The following ODF2 variants were observed in gnomAD, a reference collection of about 807,000 sequenced individuals.
ODF2 encodes outer dense fiber of sperm tails 2, also known as outer dense fiber protein 2.
Under a neutral mutation model 110.2 loss-of-function variants are expected in ODF2, and 47 were observed. That is an observed-to-expected ratio of 0.43 (90% CI 0.34 to 0.54). The LOEUF is 0.54. ODF2 is among the 20% of genes least tolerant of loss of function. The pLI is 0.03. For missense variants in ODF2, 812 were observed against 1,054.5 expected, an observed-to-expected ratio of 0.77 and a Z score of 3.19; for synonymous variants, 352 against 397.7, an observed-to-expected ratio of 0.89 and a Z score of 1.37.
chr9:128,479,183 G>C (rs575523525), intron 8 of ODF2, among the ~76,000 whole-genome samples: 1 of 152,260 alleles, frequency 6.6e-6, no homozygotes, highest in Admixed American at 6.5e-5. Context: ...GGAAACTTTG[G>C]GAACCAGAGA....
At chr9:128,469,137 A>G (rs1472545325) in intron 4 of ODF2, 46 bp from the exon 5 acceptor site, 4 of 1,588,130 alleles carry the variant, frequency 2.5e-6, no homozygotes, top group Admixed American at 1.8e-5. Flanking sequence ...CTCGTGGTCA[A>G]GGTTCTGCCT....
rs1846138126 is a variant in ODF2 at position 128,499,144 on chromosome 9, G to A, written c.2301+18G>A. On this transcript the variant is annotated intron_variant, in intron 20 of 20. Coordinates refer to ENST00000604420, the Ensembl canonical transcript of ODF2. The stretch of plus-strand genomic sequence containing the variant: ...GTGATGATGTGAGTCAGGCTGGTGG[G>A]CCGGGCTAGGAGAGTGGGCAGCAGA... 1 of 1,613,946 alleles carries A rather than the reference G, an allele frequency of 6.2e-7. No individual in the cohort carries two copies. The highest frequency in any genetic ancestry group is 8.5e-7 in the Non-Finnish European group (1 of 1,179,924).
chr9:128,481,434 A>C (rs1588898728), intron 8 of ODF2, 146 bp from the exon 9 acceptor site: 2 of 538,040 alleles, frequency 3.7e-6, no homozygotes, highest in Non-Finnish European at 3.3e-6. Context: ...CCATGATTGC[A>C]CCACTGCACT....
chr9:128,460,997 G>A (rs777136257), exon 4 of ODF2: 10 of 1,614,124 alleles, frequency 6.2e-6, no homozygotes, highest in East Asian at 2.2e-5. Flanking sequence ...CGGAGTGTCC[G>A]GGTGAAAACC....
intron 17 of ODF2, 103 bp from the exon 18 acceptor site, chr9:128,495,938 G>GC (rs1270913310): frequency 4.5e-5 from 61 of 1,363,136 alleles, no homozygotes; most frequent in Non-Finnish European, 5.9e-5. Flanking sequence ...CCTGCTGAGG[G>GC]CACTGTGCCC....
chr9:128,457,009 G>T, intron 1 of ODF2: 2 of 1,256,504 alleles, frequency 1.6e-6, no homozygotes, highest in African/African-American at 1.5e-5. Context: ...ACTTGGGGCC[G>T]AGCGGTTCTC....
chr9:128,491,045 G>A (rs959438302), intron 14 of ODF2, among the ~76,000 whole-genome samples: 15 of 151,590 alleles, frequency 9.9e-5, no homozygotes, highest in African/African-American at 1.9e-4. Context: ...TAGAGATGGC[G>A]TTTTACCATG....
At chr9:128,455,193 GA>G (rs1331269613), upstream of ODF2, 1 of 1,535,006 alleles carries the variant, frequency 6.5e-7, no homozygotes, top group African/African-American at 1.4e-5. Flanking sequence ...GCATAATTGA[GA>G]AGATGGCGGA....
chr9:128,455,410 C>A, upstream of ODF2: 1 of 442,086 alleles, frequency 2.3e-6, no homozygotes, highest in Non-Finnish European at 3.9e-6. Context: ...AAAAATTAGC[C>A]GGGCGTTGTG....
At chr9:128,478,530 A>C (rs1841800879) in intron 8 of ODF2, among the ~76,000 whole-genome samples, 1 of 151,132 alleles carries the variant, frequency 6.6e-6, no homozygotes, top group South Asian at 2.1e-4. Flanking sequence ...CCCGGGAGGC[A>C]GAGGTTACAG....
At chr9:128,457,386 T>C in exon 2 of ODF2, 4 of 1,613,190 alleles carry the variant, frequency 2.5e-6, no homozygotes, top group Non-Finnish European at 3.4e-6. Context: ...TGCCCACCTT[T>C]GCGGCTTTGA....
chr9:128,463,712 A>G (rs1837098870), intron 4 of ODF2, among the ~76,000 whole-genome samples: 1 of 152,230 alleles, frequency 6.6e-6, no homozygotes, highest in African/African-American at 2.4e-5. Flanking sequence ...GTATAAACGC[A>G]TATGTTTGTA....
Position 128,492,412 on chromosome 9 carries a change from G to T in ODF2, c.1537-14G>T. 6.3e-7 allele frequency: 1 copy of T among 1,591,310 alleles called. No individual in the cohort carries two copies. Among genetic ancestry groups the T allele is most frequent in the Non-Finnish European group, 8.6e-7 (1 of 1,159,548 alleles). ...GAACCTTCCTGTGGGTTACTCATGAGCCATCCCTTCCAGGCCAGCTTTGCT... is the reference window on the plus strand; with the variant it reads ...GAACCTTCCTGTGGGTTACTCATGATCCATCCCTTCCAGGCCAGCTTTGCT... On this transcript the variant is annotated splice_polypyrimidine_tract_variant and intron_variant, in intron 14 of 20. Coordinates refer to ENST00000604420, the Ensembl canonical transcript of ODF2.
intron 18 of ODF2, chr9:128,497,680 G>C (rs1478254716): frequency 6.6e-6 from 1 of 151,680 alleles, no homozygotes; most frequent in Non-Finnish European, 1.5e-5. Context: ...TCCAGCCCTG[G>C]TCCCAGCCTT....
intron 6 of ODF2, among the ~76,000 whole-genome samples, chr9:128,472,178 G>T (rs1840187994): frequency 1.3e-5 from 2 of 152,106 alleles, no homozygotes; most frequent in African/African-American, 4.8e-5. Context: ...TACTCTGGAG[G>T]CTGAGGCAGG....
chr9:128,466,531 T>G (rs1837955772), intron 4 of ODF2, among the ~76,000 whole-genome samples: 1 of 151,420 alleles, frequency 6.6e-6, no homozygotes, highest in South Asian at 2.1e-4. Flanking sequence ...CTCCATGAAT[T>G]TTCACAAGCT....
chr9:128,495,240 A>G (rs1845388998), intron 17 of ODF2, among the ~76,000 whole-genome samples: 1 of 152,222 alleles, frequency 6.6e-6, no homozygotes, highest in African/African-American at 2.4e-5. Context: ...TACTTGTGAT[A>G]ATTAGAAAAG....
In ODF2 at chr9:128,485,323, A is replaced by T. The variant is rs1353389663; in HGVS notation, c.1291-42A>T. 2 of 1,101,998 alleles carry T rather than the reference A, an allele frequency of 1.8e-6. No homozygotes were observed. The highest frequency in any genetic ancestry group is 2.8e-6 in the Non-Finnish European group (2 of 727,036). 68.3% of individuals were successfully genotyped at this position (1,101,998 alleles called of 1,614,324 possible). ...GCTCCCAGCTCCTGGCAGCCTCACC[A>T]CTGACACTAGGCTAACAGGCCCTTT... On this transcript the variant is annotated intron_variant, in intron 12 of 20. Transcript: ENST00000604420. The surrounding 1 kb of genome is among the most constrained non-coding windows in gnomAD (Gnocchi z 5.0).
chr9:128,494,398 G>C lies in ODF2; in HGVS notation c.1753-112G>C. The C allele has an allele frequency of 1.1e-6, 1 of 905,484 alleles. No homozygotes were observed. Among genetic ancestry groups the C allele is most frequent in the Non-Finnish European group, 1.7e-6 (1 of 583,842 alleles). 56.1% of individuals were successfully genotyped at this position (905,484 alleles called of 1,614,324 possible). On this transcript the variant is annotated intron_variant, in intron 16 of 20. Transcript: ENST00000604420. The surrounding 1 kb of genome is among the most constrained non-coding windows in gnomAD (Gnocchi z 4.6). ...GGATTTTGCAGGATCCTCCACTGGG[G>C]ACTGTGTCAGCCCTGCCCTAACTCT... is the stretch of plus-strand genomic sequence containing the variant.
Sources: gnomAD v4.1 joint callset for allele counts (sites outside exome capture counted in the v4.1 genomes callset) on GRCh38, gnomAD v4.1.1 for gene constraint, Gnocchi (gnomAD v3.1) non-coding constraint, MANE v1.5 for transcripts, NCBI Gene and HGNC (gene_info 2026-07-23, HGNC 2026-07-21) for gene names.